The following CPXM2 variants were observed in gnomAD, a reference collection of about 807,000 sequenced individuals.
CPXM2 encodes carboxypeptidase X, M14 family member 2.
In CPXM2, 66 loss-of-function variants were observed where a neutral mutation model predicts 86.1. The ratio of observed to expected loss-of-function variants is 0.77; its 90% CI spans 0.63 to 0.94. CPXM2 has a LOEUF of 0.94. CPXM2 is among the 40% of genes least tolerant of loss of function. The pLI is 0.00. For synonymous variants in CPXM2, 388 were observed against 400.2 expected (o/e 0.97, Z 0.36); for missense variants, 948 against 1,026.3 (o/e 0.92, Z 1.04).
intron 2 of CPXM2, among the ~76,000 whole-genome samples, chr10:123,866,281 G>T (rs1848977823): frequency 6.6e-6 from 1 of 152,136 alleles, no homozygotes; most frequent in South Asian, 2.1e-4. Context: ...TTTAAATTCA[G>T]GACCGGGTGC....
At chr10:123,820,674 C>G (rs1027081897) in intron 4 of CPXM2, among the ~76,000 whole-genome samples, 4 of 152,206 alleles carry the variant, frequency 2.6e-5, no homozygotes, top group Non-Finnish European at 5.9e-5. Flanking sequence ...TTTCTGGAGG[C>G]TCCAGAGGAT....
chr10:123,856,590 GCTTT>G (rs1422203123), intron 3 of CPXM2, among the ~76,000 whole-genome samples: 5 of 151,718 alleles, frequency 3.3e-5, no homozygotes, highest in Admixed American at 1.3e-4. Context: ...GTTTGGTTTG[GCTTT>G]TTTTTGTTTT....
intron 2 of CPXM2, among the ~76,000 whole-genome samples, chr10:123,928,070 G>A (rs543283129): frequency 6.6e-6 from 1 of 152,120 alleles, no homozygotes; most frequent in Non-Finnish European, 1.5e-5. Context: ...CTCCTGGCTG[G>A]GGCACCCACT....
chr10:123,863,382 C>A (rs963344766), intron 2 of CPXM2, among the ~76,000 whole-genome samples: 26 of 152,198 alleles, frequency 1.7e-4, no homozygotes, highest in Non-Finnish European at 2.8e-4. Context: ...AAAGGCCATG[C>A]AGCGAGAGGG....
chr10:123,800,031 T>A (rs1480631743), intron 4 of CPXM2, among the ~76,000 whole-genome samples: 1 of 127,598 alleles, frequency 7.8e-6, no homozygotes. Context: ...TTTTTTGGTT[T>A]TTTTTTTTTT....
At chr10:123,841,813 G>A (rs1299980335) in intron 4 of CPXM2, among the ~76,000 whole-genome samples, 1 of 152,148 alleles carries the variant, frequency 6.6e-6, no homozygotes, top group East Asian at 1.9e-4. Context: ...TCCCAGCCTT[G>A]GCCCTGAGTG....
intron 4 of CPXM2, among the ~76,000 whole-genome samples, chr10:123,834,408 A>T (rs1321610144): frequency 1.3e-5 from 2 of 152,196 alleles, no homozygotes; most frequent in African/African-American, 4.8e-5. Flanking sequence ...GTAAGTACAA[A>T]CAAATAGATA....
At chr10:123,921,287 TTTAAAAA>T (rs1019133163) in intron 2 of CPXM2, among the ~76,000 whole-genome samples, 3 of 152,256 alleles carry the variant, frequency 2.0e-5, no homozygotes, top group African/African-American at 7.2e-5. Context: ...ACAATTTTTT[TTTAAAAA>T]AAGCATCTAA....
intron 4 of CPXM2, among the ~76,000 whole-genome samples, chr10:123,836,128 C>A (rs1201172298): frequency 6.6e-6 from 1 of 152,094 alleles, no homozygotes; most frequent in Non-Finnish European, 1.5e-5. Flanking sequence ...CCTGGAGATC[C>A]CCGCAACGGG....
At chr10:123,926,497 C>A (rs1193754488) in intron 2 of CPXM2, among the ~76,000 whole-genome samples, 1 of 152,226 alleles carries the variant, frequency 6.6e-6, no homozygotes, top group Non-Finnish European at 1.5e-5. Context: ...GTTTTCTCCC[C>A]TTCTTTAGAG....
chr10:123,821,955 C>T (rs1398726080), intron 4 of CPXM2, among the ~76,000 whole-genome samples: 1 of 152,204 alleles, frequency 6.6e-6, no homozygotes, highest in Admixed American at 6.5e-5. Flanking sequence ...AGAGTACAGA[C>T]TTCCCAGGGA....
chr10:123,880,688 G>A (rs1247245801), intron 1 of CPXM2, among the ~76,000 whole-genome samples: 1 of 151,902 alleles, frequency 6.6e-6, no homozygotes, highest in African/African-American at 2.4e-5. Context: ...AATTAGCCAG[G>A]CATGGTGGCG....
At chr10:123,858,467 T>C (rs41349448) in intron 3 of CPXM2, among the ~76,000 whole-genome samples, 2,017 of 152,368 alleles carry the variant, frequency 0.013, 40 homozygotes, top group African/African-American at 0.046. Context: ...GTTGGACCTA[T>C]ACCACTTCTA....
At chr10:123,854,221 A>C (rs1848658425) in intron 3 of CPXM2, among the ~76,000 whole-genome samples, 1 of 150,224 alleles carries the variant, frequency 6.7e-6, no homozygotes, top group African/African-American at 2.5e-5. Flanking sequence ...CTCAGATCAG[A>C]CTTTTCTGGG....
chr10:123,868,852 C>T lies in CPXM2; in HGVS notation c.404-6129G>A, dbSNP rs148619045. 5.8e-3 allele frequency among the ~76,000 whole-genome samples: 884 copies of T among 152,180 alleles called. 2 individuals carry two copies. Among genetic ancestry groups the T allele is most frequent in the Non-Finnish European group, 0.011 (721 of 68,000 alleles). On this transcript the variant is annotated intron_variant, in intron 2 of 13. Transcript: ENST00000241305. ...CCGCAAATAAGCCCAGAGGACTCTG[C>T]CAGCCAAAGAACTCCAAAAGCATGG...
intron 4 of CPXM2, among the ~76,000 whole-genome samples, chr10:123,836,519 C>A (rs1015184996): frequency 9.2e-5 from 14 of 152,174 alleles, no homozygotes; most frequent in Non-Finnish European, 1.8e-4. Context: ...GGTGAACATA[C>A]CACCAAGCGT....
chr10:123,770,868 G>T, intron 8 of CPXM2, 48 bp downstream of exon 8: 1 of 1,576,774 alleles, frequency 6.3e-7, no homozygotes, highest in South Asian at 1.2e-5. Context: ...CTGTTTACAT[G>T]AGTACCAAAG....
chr10:123,924,148 C>T (rs897392754), intron 2 of CPXM2, among the ~76,000 whole-genome samples: 2 of 152,216 alleles, frequency 1.3e-5, no homozygotes, highest in African/African-American at 4.8e-5. Flanking sequence ...ATTTTCCATA[C>T]CAAGCAGCTC....
intron 2 of CPXM2, among the ~76,000 whole-genome samples, chr10:123,898,152 A>T (rs893324243): frequency 1.3e-5 from 2 of 152,230 alleles, no homozygotes; most frequent in Non-Finnish European, 2.9e-5. Context: ...CTAAAAATAT[A>T]ATAAACTAAT....
Sources: allele counts gnomAD v4.1 joint callset (sites outside exome capture counted in the v4.1 genomes callset), GRCh38; gene constraint gnomAD v4.1.1; transcripts MANE v1.5; gene names NCBI Gene and HGNC (gene_info 2026-07-23, HGNC 2026-07-21).